The following SPTLC2 variants were observed in gnomAD, a reference collection of about 807,000 sequenced individuals.
SPTLC2 encodes the protein serine palmitoyltransferase 2.
SPTLC2 carries 21 observed loss-of-function variants against 62.0 expected under a neutral mutation model. That is an observed-to-expected ratio of 0.34 (90% CI 0.24 to 0.49). The LOEUF is 0.49. Among genes scored for constraint, SPTLC2 ranks in the 20% least tolerant of loss-of-function variants. The pLI, the probability that SPTLC2 is intolerant of heterozygous loss-of-function variation, is 0.99. For missense variants in SPTLC2, 511 were observed against 713.0 expected (o/e 0.72, Z 3.23); for synonymous variants, 261 against 261.8 (o/e 1.00, Z 0.03).
At chr14:77,577,816 C>T (rs960643937) in intron 3 of SPTLC2, among the ~76,000 whole-genome samples, 21 of 152,152 alleles carry the variant, frequency 1.4e-4, no homozygotes, top group Admixed American at 4.6e-4. Context: ...AGGAGAATGG[C>T]GTGAACCCAG....
At chr14:77,589,022 A>C (rs2079799624) in intron 2 of SPTLC2, among the ~76,000 whole-genome samples, 2 of 144,062 alleles carry the variant, frequency 1.4e-5, no homozygotes, top group African/African-American at 5.2e-5. Context: ...AAAAAAAAAA[A>C]AAAAAAACAC....
chr14:77,591,048 GTTTAT>G (rs1028029521), intron 2 of SPTLC2, among the ~76,000 whole-genome samples: 5 of 152,176 alleles, frequency 3.3e-5, no homozygotes, highest in African/African-American at 9.7e-5. Context: ...TCTTTGAAAG[GTTTAT>G]TTTGAGTATA....
In SPTLC2 at chr14:77,509,740, ACAAC is replaced by A. The variant is rs753669175; in HGVS notation, c.*2540_*2543del. 1.9e-4 allele frequency: 75 copies of A among 396,316 alleles called. No homozygotes were observed. Among genetic ancestry groups the A allele is most frequent in the Non-Finnish European group, 3.1e-4 (69 of 225,094 alleles). 24.5% of individuals were successfully genotyped at this position (396,316 alleles called of 1,614,324 possible). A position where few individuals can be genotyped will look rare whatever the true frequency, so the allele number is the denominator to read the frequency against. ...ATTTACATTACAGTTTCAAGAAGAG[ACAAC>A]CAACCATGTATAATGTCTACATAAC... On this transcript the variant is annotated 3_prime_UTR_variant, in exon 12 of 12. Coordinates refer to ENST00000216484, the MANE Select transcript of SPTLC2 (RefSeq NM_004863.4).
Position 77,589,789 on chromosome 14 carries a change from C to CCACACACACACACA in SPTLC2, c.327+7383_327+7396dup, listed in dbSNP as rs10627978. 1.8e-3 allele frequency among the ~76,000 whole-genome samples: 260 copies of CCACACACACACACA among 146,316 alleles called. 1 individual carries two copies. Among genetic ancestry groups the CCACACACACACACA allele is most frequent in the African/African-American group, 4.8e-3 (189 of 39,364 alleles). On this transcript the variant is annotated intron_variant, in intron 2 of 11. Coordinates refer to ENST00000216484, the MANE Select transcript of SPTLC2 (RefSeq NM_004863.4). ...TGGGCGACAGAGCGAGAGTCCGTCT[C>CCACACACACACACA]CACACACACACACACACACACACAC...
At chr14:77,560,495 G>T in intron 6 of SPTLC2, among the ~76,000 whole-genome samples, 1 of 152,064 alleles carries the variant, frequency 6.6e-6, no homozygotes, top group East Asian at 1.9e-4. Context: ...CACATCTGTA[G>T]TCCCAGCTAC....
chr14:77,578,886 T>C (rs2079732087), intron 3 of SPTLC2, 69 bp downstream of exon 3: 3 of 1,541,710 alleles, frequency 1.9e-6, no homozygotes, highest in Non-Finnish European at 1.8e-6. Context: ...CAATTTATAA[T>C]AACATATTTT....
chr14:77,565,452 T>G (rs1294220195), intron 5 of SPTLC2, among the ~76,000 whole-genome samples: 3 of 152,246 alleles, frequency 2.0e-5, no homozygotes, highest in African/African-American at 7.2e-5. Flanking sequence ...AGACAAGCGA[T>G]TAAGATTTAC....
chr14:77,583,138 T>C lies in SPTLC2; in HGVS notation c.328-4029A>G, dbSNP rs188539177. 4.7e-3 allele frequency among the ~76,000 whole-genome samples: 714 copies of C among 151,726 alleles called. 12 individuals carry two copies. The highest frequency in any genetic ancestry group is 0.016 in the African/African-American group (669 of 41,354). ...TCACTTGAGCTCAGAAGGTTGGGGCTGTAGTGAGCCAAGATCGGACCACTG... is the reference window on the plus strand; with the variant it reads ...TCACTTGAGCTCAGAAGGTTGGGGCCGTAGTGAGCCAAGATCGGACCACTG... On this transcript the variant is annotated intron_variant, in intron 2 of 11. Coordinates refer to ENST00000216484, the MANE Select transcript of SPTLC2 (RefSeq NM_004863.4).
intron 2 of SPTLC2, among the ~76,000 whole-genome samples, chr14:77,593,120 A>C (rs1222044198): frequency 6.6e-6 from 1 of 151,938 alleles, no homozygotes; most frequent in Non-Finnish European, 1.5e-5. Context: ...AAAAAAATTA[A>C]AAAAATTAAA....
At chr14:77,559,238 G>A (rs1466165299) in intron 6 of SPTLC2, among the ~76,000 whole-genome samples, 5 of 152,078 alleles carry the variant, frequency 3.3e-5, no homozygotes, top group East Asian at 3.9e-4. Context: ...CATGAGAATC[G>A]CTTAAACCCA....
At chr14:77,517,989 C>G (rs1250525013) in intron 11 of SPTLC2, 49 bp downstream of exon 11, 1 of 1,611,370 alleles carries the variant, frequency 6.2e-7, no homozygotes, top group South Asian at 1.1e-5. Flanking sequence ...AATATACAGG[C>G]CCTTTTAATA....
chr14:77,534,604 CAT>C (rs1555373997), intron 9 of SPTLC2, among the ~76,000 whole-genome samples: 1 of 145,748 alleles, frequency 6.9e-6, no homozygotes, highest in Non-Finnish European at 1.5e-5. Flanking sequence ...CACACACACA[CAT>C]ATGCTAAACA....
At chr14:77,585,769 A>T (rs2079777630) in intron 2 of SPTLC2, among the ~76,000 whole-genome samples, 1 of 152,220 alleles carries the variant, frequency 6.6e-6, no homozygotes. Flanking sequence ...AAAAATTTAA[A>T]TCTACAAAAC....
intron 2 of SPTLC2, among the ~76,000 whole-genome samples, chr14:77,582,718 A>G (rs2079758642): frequency 6.6e-6 from 1 of 152,204 alleles, no homozygotes; most frequent in Non-Finnish European, 1.5e-5. Flanking sequence ...CTCCTTAACA[A>G]GTGATTAAGT....
intron 11 of SPTLC2, among the ~76,000 whole-genome samples, chr14:77,513,016 CTTTTTTTT>C (rs1190713237): frequency 3.0e-4 from 19 of 62,828 alleles, no homozygotes; most frequent in East Asian, 5.9e-4. Context: ...AACCCAGCAA[CTTTTTTTT>C]TTTTTTTTTT....
rs575039891 is a variant in SPTLC2 at position 77,597,081 on chromosome 14, A to G, written c.327+105T>C. 8.7e-6 allele frequency: 10 copies of G among 1,153,806 alleles called. No homozygotes were observed. In the Admixed American group the frequency reaches 1.8e-4, roughly 21 times the overall value. The allele number at this position is 1,153,806 out of a possible 1,614,324, so 71.5% of individuals were successfully genotyped here. A position where few individuals can be genotyped will look rare whatever the true frequency, so the allele number is the denominator to read the frequency against. ...ATTTAACTGCATCTGGAATAGTTTA[A>G]TTTTAATGTGTACCCAAATTTCTGA... On this transcript the variant is annotated intron_variant, in intron 2 of 11. Transcript: ENST00000216484.
intron 1 of SPTLC2, among the ~76,000 whole-genome samples, chr14:77,599,553 T>G (rs746139758): frequency 9.2e-5 from 14 of 152,214 alleles, no homozygotes; most frequent in Non-Finnish European, 1.3e-4. Context: ...GGACAGGCAT[T>G]CAGATAGGCA....
intron 9 of SPTLC2, among the ~76,000 whole-genome samples, chr14:77,526,005 C>G (rs541008836): frequency 6.6e-6 from 1 of 152,176 alleles, no homozygotes; most frequent in East Asian, 1.9e-4. Flanking sequence ...CCATTTTTGA[C>G]CTTAAAGCAG....
At chr14:77,519,211 C>T (rs553876135) in intron 10 of SPTLC2, among the ~76,000 whole-genome samples, 1 of 152,006 alleles carries the variant, frequency 6.6e-6, no homozygotes, top group Non-Finnish European at 1.5e-5. Flanking sequence ...AGATGATTTT[C>T]GTATTTTTAG....
Sources: allele counts gnomAD v4.1 joint callset (sites outside exome capture counted in the v4.1 genomes callset), GRCh38; gene constraint gnomAD v4.1.1; transcripts MANE v1.5; gene names NCBI Gene and HGNC (gene_info 2026-07-23, HGNC 2026-07-21).